Variants in CAST observed in about 807,000 individuals in gnomAD.
The protein encoded by CAST is calpastatin.
CAST carries 76 observed loss-of-function variants against 119.6 expected under a neutral mutation model. The observed-to-expected ratio is 0.64, with a 90% confidence interval of 0.53 to 0.77. CAST has a LOEUF of 0.77. Ranked by LOEUF, CAST falls within the 30% of genes least tolerant of loss-of-function variation. The probability of loss-of-function intolerance (pLI) is 0.00; values close to 1 mark genes in which losing one functional copy is unlikely to be tolerated. For synonymous variants in CAST, 319 were observed against 331.6 expected, an observed-to-expected ratio of 0.96 and a Z score of 0.41; for missense variants, 953 against 946.5, an observed-to-expected ratio of 1.01 and a Z score of -0.09.
the CAST span, among the ~76,000 whole-genome samples, chr5:96,043,139 C>G: frequency 6.6e-6 from 1 of 152,064 alleles, no homozygotes; most frequent in Non-Finnish European, 1.5e-5. Context: ...TTCTAAAATA[C>G]AAGATTAAAA....
the CAST span, among the ~76,000 whole-genome samples, chr5:96,488,590 A>G: frequency 6.6e-6 from 1 of 152,148 alleles, no homozygotes; most frequent in Non-Finnish European, 1.5e-5. Flanking sequence ...TTCAGTCTTG[A>G]GAAGCTTCCA....
the CAST span, among the ~76,000 whole-genome samples, chr5:96,434,583 G>A: frequency 6.6e-6 from 1 of 151,906 alleles, no homozygotes; most frequent in Admixed American, 6.6e-5. Flanking sequence ...GGAATTGAGA[G>A]AGTATGCTGC....
At chr5:96,220,757 A>C in the CAST span, among the ~76,000 whole-genome samples, 1 of 152,324 alleles carries the variant, frequency 6.6e-6, no homozygotes, top group Admixed American at 6.5e-5. Context: ...TTCTAAGCTT[A>C]GTTGGCTATT....
chr5:96,100,268 A>T, the CAST span, among the ~76,000 whole-genome samples: 2 of 152,142 alleles, frequency 1.3e-5, no homozygotes, highest in African/African-American at 4.8e-5. Context: ...TACCACACAC[A>T]GGTTGTATTT....
At chr5:96,080,847 G>A in the CAST span, among the ~76,000 whole-genome samples, 1 of 152,078 alleles carries the variant, frequency 6.6e-6, no homozygotes, top group Non-Finnish European at 1.5e-5. Context: ...TTCCCCAAGT[G>A]CCCCAGCTGA....
the CAST span, among the ~76,000 whole-genome samples, chr5:96,252,586 G>A: frequency 6.6e-6 from 1 of 152,086 alleles, no homozygotes; most frequent in African/African-American, 2.4e-5. Flanking sequence ...CGCTCACAGA[G>A]TTTAAGCAAC....
At position 96,740,034 on chromosome 5, in the gene CAST, C is replaced by G; in HGVS notation, c.799-4C>G. 1 of 1,498,540 alleles carries G rather than the reference C, an allele frequency of 6.7e-7. No homozygotes were observed. Among genetic ancestry groups the G allele is most frequent in the Non-Finnish European group, 9.2e-7 (1 of 1,087,318 alleles). The allele number at this position is 1,498,540 out of a possible 1,614,324, so 92.8% of individuals were successfully genotyped here. Reference sequence around the variant, plus strand: ...ATATCCCTATGTGTATGATTTTGTTCCAGGATCCAATGAGTTCCACCTACA... The same window carrying G: ...ATATCCCTATGTGTATGATTTTGTTGCAGGATCCAATGAGTTCCACCTACA... On this transcript the variant is annotated splice_polypyrimidine_tract_variant and splice_region_variant and intron_variant, in intron 11 of 31. Coordinates refer to ENST00000675179, the MANE Select transcript of CAST (RefSeq NM_001750.7).
intron 1 of CAST, among the ~76,000 whole-genome samples, chr5:96,576,816 C>T (rs1476066845): frequency 6.6e-6 from 1 of 151,916 alleles, no homozygotes. Flanking sequence ...GTGGCCCTAA[C>T]TGACCTCTTT....
At chr5:96,593,840 C>T (rs187019551) in intron 1 of CAST, among the ~76,000 whole-genome samples, 15 of 152,304 alleles carry the variant, frequency 9.8e-5, no homozygotes, top group South Asian at 2.1e-4. Context: ...CACACTGGCA[C>T]GCTGATCTTG....
the CAST span, among the ~76,000 whole-genome samples, chr5:96,067,128 T>C: frequency 6.6e-6 from 1 of 152,322 alleles, no homozygotes; most frequent in South Asian, 2.1e-4. Flanking sequence ...TATATTCAGG[T>C]TCCTATAATG....
chr5:96,561,796 G>GTTTTTTTT lies in CAST; in HGVS notation c.60+31923_60+31930dup, dbSNP rs11375615. On this transcript the variant is annotated intron_variant, in intron 1 of 11. Transcript: ENST00000505143. Reference sequence around the variant, plus strand: ...GTGTATTATATATATGTTTTTTTTTGTTTTTTTTTTTTTTGAGACGGAGTC... The same window carrying GTTTTTTTT: ...GTGTATTATATATATGTTTTTTTTTGTTTTTTTTTTTTTTTTTTTTTTGAGACGGAGTC... Among the ~76,000 whole-genome samples the GTTTTTTTT allele has an allele frequency of 2.1e-4, 20 of 97,398 alleles. 1 individual carries two copies. The highest frequency in any genetic ancestry group is 3.6e-4 in the East Asian group (1 of 2,776). 63.9% of individuals were successfully genotyped at this position (97,398 alleles called of 152,430 possible). A position where few individuals can be genotyped will look rare whatever the true frequency, so the allele number is the denominator to read the frequency against.
intron 1 of CAST, among the ~76,000 whole-genome samples, chr5:96,593,541 G>A (rs1284330849): frequency 2.0e-5 from 3 of 152,130 alleles, no homozygotes; most frequent in African/African-American, 7.2e-5. Flanking sequence ...GGAACAATGA[G>A]GTATGCACAT....
chr5:96,392,671 T>C, the CAST span: 8 of 245,532 alleles, frequency 3.3e-5, no homozygotes, highest in Non-Finnish European at 5.4e-5. Flanking sequence ...AGGTTTTGCC[T>C]TTTCTTTTGA....
chr5:96,459,617 T>C, the CAST span, among the ~76,000 whole-genome samples: 5 of 152,162 alleles, frequency 3.3e-5, no homozygotes, highest in African/African-American at 1.2e-4. Flanking sequence ...AGAACTCCCA[T>C]GGAGTTTTCT....
chr5:96,392,091 A>T, the CAST span: 1 of 152,204 alleles, frequency 6.6e-6, no homozygotes, highest in African/African-American at 2.4e-5. Context: ...TTCTATTATT[A>T]CATTAGGTCT....
At chr5:96,120,554 G>A in the CAST span, among the ~76,000 whole-genome samples, 1 of 150,990 alleles carries the variant, frequency 6.6e-6, no homozygotes. Context: ...ATATGTTCAG[G>A]CTCTGACCCT....
At chr5:96,555,960 C>A (rs1332375088) in intron 1 of CAST, among the ~76,000 whole-genome samples, 2 of 152,240 alleles carry the variant, frequency 1.3e-5, no homozygotes, top group Non-Finnish European at 2.9e-5. Flanking sequence ...AGGCACCCCC[C>A]AGTAGGGGCA....
the CAST span, among the ~76,000 whole-genome samples, chr5:96,413,471 G>A: frequency 1.3e-5 from 2 of 152,178 alleles, no homozygotes; most frequent in African/African-American, 4.8e-5. Flanking sequence ...GATATGATCA[G>A]TGAAAGTTGT....
rs1389538949 is a variant in CAST at position 96,561,798 on chromosome 5, T to G, written c.60+31918T>G. On this transcript the variant is annotated intron_variant, in intron 1 of 11. Coordinates refer to the CAST transcript ENST00000505143. ...GTATTATATATATGTTTTTTTTTGTTTTTTTTTTTTTTGAGACGGAGTCTC... is the reference window on the plus strand; with the variant it reads ...GTATTATATATATGTTTTTTTTTGTGTTTTTTTTTTTTGAGACGGAGTCTC... Among the ~76,000 whole-genome samples, 5 of 86,628 alleles carry G rather than the reference T, an allele frequency of 5.8e-5. 1 individual carries two copies. Among genetic ancestry groups the G allele is most frequent in the Non-Finnish European group, 1.2e-4 (5 of 42,818 alleles). The allele number at this position is 86,628 out of a possible 152,430, so 56.8% of individuals were successfully genotyped here.
Sources: allele counts gnomAD v4.1 joint callset (sites outside exome capture counted in the v4.1 genomes callset), GRCh38; gene constraint gnomAD v4.1.1; transcripts MANE v1.5; gene names NCBI Gene and HGNC (gene_info 2026-07-23, HGNC 2026-07-21).